The following ZNF354B variants were observed in gnomAD, a reference collection of about 807,000 sequenced individuals.
ZNF354B encodes the protein zinc finger protein 354B.
ZNF354B carries 10 observed loss-of-function variants against 12.9 expected under a neutral mutation model. That is an observed-to-expected ratio of 0.77 (90% CI 0.48 to 1.31). ZNF354B has a LOEUF of 1.31. Ranked by LOEUF, ZNF354B falls within the 40% of genes most tolerant of loss-of-function variation. ZNF354B has a pLI of 0.00. For synonymous variants in ZNF354B, 260 were observed against 243.7 expected, an observed-to-expected ratio of 1.07 and a Z score of -0.62; for missense variants, 614 against 711.7, an observed-to-expected ratio of 0.86 and a Z score of 1.56.
intron 2 of ZNF354B, among the ~76,000 whole-genome samples, chr5:178,862,362 CTTTTT>C (rs769224561): frequency 2.4e-4 from 25 of 105,616 alleles, no homozygotes; most frequent in African/African-American, 7.5e-4. Context: ...GTGGCATTAT[CTTTTT>C]TTTTTTTTTT....
chr5:178,879,484 A>G (rs1356595753), intron 4 of ZNF354B, among the ~76,000 whole-genome samples: 2 of 151,866 alleles, frequency 1.3e-5, no homozygotes, highest in Non-Finnish European at 2.9e-5. Flanking sequence ...GGTTCAAGCC[A>G]TTCTCCCGTC....
intron 4 of ZNF354B, among the ~76,000 whole-genome samples, chr5:178,870,311 T>A (rs992931793): frequency 6.6e-6 from 1 of 152,214 alleles, no homozygotes; most frequent in African/African-American, 2.4e-5. Flanking sequence ...ACTCTTGCTC[T>A]GTTGCCCAGG....
intron 4 of ZNF354B, among the ~76,000 whole-genome samples, chr5:178,881,849 G>A (rs1757722695): frequency 6.6e-6 from 1 of 152,098 alleles, no homozygotes; most frequent in African/African-American, 2.4e-5. Context: ...TCACTGTGTT[G>A]GCCAGGATGG....
chr5:178,877,446 G>A (rs1314324181), intron 4 of ZNF354B, among the ~76,000 whole-genome samples: 1 of 152,160 alleles, frequency 6.6e-6, no homozygotes, highest in Admixed American at 6.5e-5. Flanking sequence ...TGGGATTACA[G>A]GTGTGAGCCA....
At chr5:178,875,798 G>A (rs1561669610) in intron 4 of ZNF354B, among the ~76,000 whole-genome samples, 1 of 152,114 alleles carries the variant, frequency 6.6e-6, no homozygotes, top group African/African-American at 2.4e-5. Flanking sequence ...AGGCTTCACT[G>A]TTTCTTCCCC....
chr5:178,871,244 T>C (rs1757559475), intron 4 of ZNF354B, among the ~76,000 whole-genome samples: 1 of 152,182 alleles, frequency 6.6e-6, no homozygotes, highest in African/African-American at 2.4e-5. Flanking sequence ...CTGCCCTTCA[T>C]TCAAGGCCTC....
At chr5:178,872,507 G>A (rs1478233530) in intron 4 of ZNF354B, among the ~76,000 whole-genome samples, 1 of 152,222 alleles carries the variant, frequency 6.6e-6, no homozygotes, top group Non-Finnish European at 1.5e-5. Context: ...ATGCCCAGGA[G>A]TGGAATTGCT....
At chr5:178,872,912 G>A (rs1429020700) in intron 4 of ZNF354B, among the ~76,000 whole-genome samples, 2 of 151,932 alleles carry the variant, frequency 1.3e-5, no homozygotes, top group African/African-American at 2.4e-5. Flanking sequence ...TCAGCCTCCC[G>A]AGTAGCTGGG....
intron 2 of ZNF354B, among the ~76,000 whole-genome samples, chr5:178,865,820 T>C (rs1161820954): frequency 6.6e-6 from 1 of 151,702 alleles, no homozygotes. Context: ...TAACCCAGCC[T>C]ATATCAGTGA....
At chr5:178,862,159 C>T (rs1202658436) in intron 2 of ZNF354B, among the ~76,000 whole-genome samples, 2 of 152,092 alleles carry the variant, frequency 1.3e-5, no homozygotes, top group Non-Finnish European at 2.9e-5. Context: ...TGTTCTCTCA[C>T]TCGCACAGTA....
rs146154204 is a variant in ZNF354B, at chr5:178,869,850, G to T, written c.256+2779G>T. Among the ~76,000 whole-genome samples the T allele has an allele frequency of 2.6e-3, 392 of 152,264 alleles. 5 individuals carry two copies. The highest frequency in any genetic ancestry group is 8.5e-3 in the African/African-American group (355 of 41,552). ...CAGATGGCATTCCTAGGGTGCTGAC[G>T]TGCTTGCATCTCTGCTGCACCCCTG... On this transcript the variant is annotated intron_variant, in intron 4 of 4. Transcript: ENST00000322434.
At chr5:178,874,185 G>A (rs1757602605) in intron 4 of ZNF354B, among the ~76,000 whole-genome samples, 1 of 152,066 alleles carries the variant, frequency 6.6e-6, no homozygotes, top group Non-Finnish European at 1.5e-5. Context: ...TCGAACTCCT[G>A]GCCTCAAGTG....
chr5:178,867,345 C>T (rs372311186), intron 4 of ZNF354B, among the ~76,000 whole-genome samples: 3 of 152,184 alleles, frequency 2.0e-5, no homozygotes, highest in East Asian at 1.9e-4. Flanking sequence ...ATTTAAGGAA[C>T]TTCAAATAAT....
rs150528598 is a variant in ZNF354B, at chr5:178,870,222, T to C, written c.256+3151T>C. On this transcript the variant is annotated intron_variant, in intron 4 of 4. Transcript: ENST00000322434. ...GAACAGCCAGTGATAGAAAAACTTA[T>C]GCTCCCCATGATAGGACTCTCTCGA... Among the ~76,000 whole-genome samples the C allele has an allele frequency of 2.2e-3, 332 of 152,320 alleles. 2 individuals are homozygous for C. The highest frequency in any genetic ancestry group is 3.6e-3 in the Non-Finnish European group (244 of 68,020).
chr5:178,869,655 G>A (rs1039766721), intron 4 of ZNF354B, among the ~76,000 whole-genome samples: 8 of 152,142 alleles, frequency 5.3e-5, no homozygotes, highest in Non-Finnish European at 7.4e-5. Flanking sequence ...TTGTCCAGAG[G>A]GATGCCGGGC....
Position 178,883,377 on chromosome 5 carries a change from C to G in ZNF354B, c.925C>G (p.Arg309Gly). 12 of 1,614,012 alleles carry G rather than the reference C, an allele frequency of 7.4e-6. No homozygotes were observed. The highest frequency in any genetic ancestry group is 1.0e-5 in the Non-Finnish European group (12 of 1,179,976). The change falls in exon 5 of 5, where the codon CGA (arginine) becomes GGA (glycine). Residue 309 changes from arginine to glycine, a missense_variant. Coordinates refer to ENST00000322434, the MANE Select transcript of ZNF354B (RefSeq NM_058230.3). ...TAAAGAATGTGGTAAATCCTTCAGT[C>G]GAAGGTCTGGGCTTTTTATACATCA... The part of the protein sequence containing the change: ...RCKECGKSFS[R>G]RSGLFIHQKI...
chr5:178,868,396 GGGCTCT>G (rs1358811213), intron 4 of ZNF354B, among the ~76,000 whole-genome samples: 2 of 150,184 alleles, frequency 1.3e-5, no homozygotes, highest in Non-Finnish European at 3.0e-5. Flanking sequence ...TGAACTGGGG[GGGCTCT>G]GGCTCTGGGG....
In ZNF354B at chr5:178,884,485, C is replaced by A; in HGVS notation, c.*194C>A. The A allele has an allele frequency of 5.6e-6, 3 of 534,026 alleles. No individual in the cohort carries two copies. The highest frequency in any genetic ancestry group is 9.2e-6 in the Non-Finnish European group (3 of 324,444). The allele number at this position is 534,026 out of a possible 1,614,324, so 33.1% of individuals were successfully genotyped here. ...AATATCCCGAGACAGTTCACTGTTGCAGACATTGAAATTGGCCATTTGTAA... is the reference window on the plus strand; with the variant it reads ...AATATCCCGAGACAGTTCACTGTTGAAGACATTGAAATTGGCCATTTGTAA... On this transcript the variant is annotated 3_prime_UTR_variant, in exon 5 of 5. Coordinates refer to ENST00000322434, the MANE Select transcript of ZNF354B (RefSeq NM_058230.3).
Position 178,882,859 on chromosome 5 carries a change from A to G in ZNF354B, c.407A>G (p.Asp136Gly). ...GAAGAGAAATTAAAGAAACAGCAGG[A>G]CAAAAATGAAAATTTACAAATAATT... ...IYEEKLKKQQ[D>G]KNENLQIISV... Residue 136 changes from aspartate (D) to glycine (G), a missense_variant, in exon 5 of 5, where the codon GAC becomes GGC. Physicochemically the swap from Asp to Gly is moderately conservative, Grantham distance 94 (BLOSUM62 -1). Transcript: ENST00000322434. 6.2e-7 allele frequency: 1 copy of G among 1,605,234 alleles called. No individual in the cohort carries two copies. Among genetic ancestry groups the G allele is most frequent in the Non-Finnish European group, 8.5e-7 (1 of 1,178,044 alleles).
Sources: allele counts gnomAD v4.1 joint callset (sites outside exome capture counted in the v4.1 genomes callset), GRCh38; gene constraint gnomAD v4.1.1; transcripts MANE v1.5; gene names NCBI Gene and HGNC (gene_info 2026-07-23, HGNC 2026-07-21).